The following WDR49 variants were observed in gnomAD, a reference collection of about 807,000 sequenced individuals.
WDR49 encodes cilia- and flagella-associated protein 337.
A neutral mutation model predicts 119.5 loss-of-function variants in WDR49; 107 were observed. The observed-to-expected ratio is 0.90, with a 90% confidence interval of 0.77 to 1.05. The LOEUF (loss-of-function observed/expected upper bound fraction) is 1.05. Ranked by LOEUF, WDR49 falls within the 50% of genes least tolerant of loss-of-function variation. WDR49 has a pLI of 0.00. For missense variants in WDR49, 1,240 were observed against 1,220.5 expected (o/e 1.02, Z -0.24); for synonymous variants, 425 against 418.8 (o/e 1.01, Z -0.18).
chr3:167,523,153 A>T (rs765247669), intron 15 of WDR49, among the ~76,000 whole-genome samples: 3 of 152,172 alleles, frequency 2.0e-5, no homozygotes, highest in Non-Finnish European at 4.4e-5. Flanking sequence ...CTGGTGCGCA[A>T]ATTGATCAGA....
upstream of WDR49, among the ~76,000 whole-genome samples, chr3:167,654,403 T>G (rs1227359859): frequency 6.6e-6 from 1 of 152,190 alleles, no homozygotes; most frequent in African/African-American, 2.4e-5. Context: ...CATAATATGA[T>G]AAATCTAATG....
intron 16 of WDR49, among the ~76,000 whole-genome samples, chr3:167,508,666 A>C (rs945407200): frequency 1.3e-5 from 2 of 152,068 alleles, no homozygotes; most frequent in African/African-American, 4.8e-5. Context: ...AAGATGTGGC[A>C]CTCCCCCAAA....
intron 8 of WDR49, among the ~76,000 whole-genome samples, chr3:167,561,421 T>C (rs929972174): frequency 6.6e-6 from 1 of 151,926 alleles, no homozygotes; most frequent in South Asian, 2.1e-4. Flanking sequence ...GAAATGGATC[T>C]TTAAAGAGCA....
At chr3:167,479,317 A>G (rs1750604101) in intron 18 of WDR49, among the ~76,000 whole-genome samples, 1 of 152,210 alleles carries the variant, frequency 6.6e-6, no homozygotes, top group South Asian at 2.1e-4. Flanking sequence ...ATCAAGACAT[A>G]AAGAGCCAAG....
At chr3:167,490,428 C>A (rs1403163103) in intron 18 of WDR49, among the ~76,000 whole-genome samples, 1 of 152,020 alleles carries the variant, frequency 6.6e-6, no homozygotes, top group Non-Finnish European at 1.5e-5. Flanking sequence ...GTTTAGTATC[C>A]AAAAGGTCCT....
At chr3:167,602,991 A>G (rs1426623029) in intron 6 of WDR49, among the ~76,000 whole-genome samples, 1 of 152,030 alleles carries the variant, frequency 6.6e-6, no homozygotes, top group Non-Finnish European at 1.5e-5. Flanking sequence ...GTGTAAGTAC[A>G]CTCTATGATG....
chr3:167,515,860 A>G (rs959442434), intron 16 of WDR49, among the ~76,000 whole-genome samples: 5 of 152,204 alleles, frequency 3.3e-5, no homozygotes, highest in Non-Finnish European at 7.3e-5. Flanking sequence ...AGAGGGCCAA[A>G]TCATAGATGA....
chr3:167,501,036 C>T (rs530921426), intron 17 of WDR49, among the ~76,000 whole-genome samples: 2 of 152,310 alleles, frequency 1.3e-5, no homozygotes, highest in South Asian at 4.1e-4. Context: ...CAAACTACAA[C>T]AGGCATCAGA....
At chr3:167,592,323 C>T (rs1715157015) in intron 7 of WDR49, among the ~76,000 whole-genome samples, 1 of 151,970 alleles carries the variant, frequency 6.6e-6, no homozygotes, top group Non-Finnish European at 1.5e-5. Flanking sequence ...AATCTTTCTA[C>T]TTCAGATAAC....
At chr3:167,643,618 G>T (rs1326683552) in intron 2 of WDR49, among the ~76,000 whole-genome samples, 2 of 151,982 alleles carry the variant, frequency 1.3e-5, no homozygotes, top group African/African-American at 4.8e-5. Flanking sequence ...AATTTCCTGT[G>T]TACAAAAATG....
intron 18 of WDR49, among the ~76,000 whole-genome samples, chr3:167,484,290 C>T (rs914262400): frequency 2.0e-5 from 3 of 151,936 alleles, no homozygotes; most frequent in Non-Finnish European, 2.9e-5. Context: ...ACACTGGGGC[C>T]TGTTGTGGGG....
At position 167,505,308 on chromosome 3, in the gene WDR49, G is replaced by A. The variant is rs771121395; in HGVS notation, c.2883C>T (p.Phe961=). ...ACATTAACAACAGTGACTACTTACT[G>A]AATGATTTTTTTATAACTTCACCAT... is the stretch of plus-strand genomic sequence containing the variant. The part of the protein sequence containing the change: ...PYYGEVIKKS[F]STFRSLNIGA... Residue 961 remains phenylalanine (F), a splice_region_variant and synonymous_variant, in exon 17 of 19, where the codon TTC becomes TTT. Transcript: ENST00000682715. The A allele has an allele frequency of 3.1e-5, 47 of 1,501,322 alleles. No individual in the cohort carries two copies. The highest frequency in any genetic ancestry group is 4.1e-5 in the Non-Finnish European group (47 of 1,132,998). The allele number at this position is 1,501,322 out of a possible 1,614,324, so 93.0% of individuals were successfully genotyped here. A position where few individuals can be genotyped will look rare whatever the true frequency, so the allele number is the denominator to read the frequency against.
intron 18 of WDR49, among the ~76,000 whole-genome samples, chr3:167,489,139 C>T (rs1751031411): frequency 6.6e-6 from 1 of 152,098 alleles, no homozygotes; most frequent in African/African-American, 2.4e-5. Context: ...TCTTCCTAGA[C>T]AATAAATTCA....
chr3:167,517,469 T>G (rs1752258311), intron 16 of WDR49, among the ~76,000 whole-genome samples: 1 of 152,186 alleles, frequency 6.6e-6, no homozygotes. Flanking sequence ...GCTAGCCATA[T>G]GCAGGAAATT....
chr3:167,644,032 A>G (rs1193701878), intron 2 of WDR49, among the ~76,000 whole-genome samples: 1 of 151,038 alleles, frequency 6.6e-6, no homozygotes, highest in Non-Finnish European at 1.5e-5. Context: ...TCAATAGAAA[A>G]TGACAAATTC....
chr3:167,585,114 C>T (rs1714737933), intron 7 of WDR49, among the ~76,000 whole-genome samples: 1 of 151,812 alleles, frequency 6.6e-6, no homozygotes, highest in Non-Finnish European at 1.5e-5. Context: ...TCAGATATTG[C>T]ACAAAAATCA....
intron 2 of WDR49, among the ~76,000 whole-genome samples, chr3:167,631,927 G>C (rs893945691): frequency 6.6e-6 from 1 of 151,960 alleles, no homozygotes; most frequent in Non-Finnish European, 1.5e-5. Context: ...AATTGATATC[G>C]AGCCCTTTGA....
rs773178060 is a variant in WDR49, at chr3:167,522,317, G to T, written c.2772C>A (p.Tyr924Ter). Residue 924 changes from tyrosine (Y) to a stop codon, truncating the protein, a stop_gained and splice_region_variant, in exon 16 of 19, where the codon TAC becomes TAA. Transcript: ENST00000682715. LOFTEE classifies it high-confidence loss of function. Reference protein sequence around the residue: ...LNKKNKDDSTYNVRPSEDINL... With the variant: ...LNKKNKDDST Reference sequence around the variant, plus strand: ...GGCTAATGTTCAAAATTACTTACTTGTATGTTGAGTCATCTTTGTTTTTCT... The same window carrying T: ...GGCTAATGTTCAAAATTACTTACTTTTATGTTGAGTCATCTTTGTTTTTCT... 2.5e-6 allele frequency: 4 copies of T among 1,580,998 alleles called. No homozygotes were observed. In the African/African-American group the frequency reaches 4.1e-5, roughly 16 times the overall value.
upstream of WDR49, among the ~76,000 whole-genome samples, chr3:167,657,875 C>T (rs1293162485): frequency 9.8e-5 from 15 of 152,324 alleles, no homozygotes; most frequent in Admixed American, 7.2e-4. Context: ...CCCAGACACC[C>T]GCTGGCTCTG....
Sources: gnomAD v4.1 joint callset for allele counts (sites outside exome capture counted in the v4.1 genomes callset) on GRCh38, gnomAD v4.1.1 for gene constraint, MANE v1.5 for transcripts, NCBI Gene and HGNC (gene_info 2026-07-23, HGNC 2026-07-21) for gene names.